The following NBEA variants were observed in gnomAD, a reference collection of about 807,000 sequenced individuals.
The protein encoded by NBEA is neurobeachin.
A neutral mutation model predicts 343.4 loss-of-function variants in NBEA; 44 were observed. The observed-to-expected ratio is 0.13, with a 90% CI of 0.10 to 0.16. The LOEUF is 0.16. NBEA is among the 10% of genes least tolerant of loss of function. The pLI is 1.00. For synonymous variants in NBEA, 1,175 were observed against 1,238.7 expected, an observed-to-expected ratio of 0.95 and a Z score of 1.08; for missense variants, 2,555 against 3,631.3, an observed-to-expected ratio of 0.70 and a Z score of 7.62.
chr13:35,499,956 ACT>A (rs1383889421), intron 41 of NBEA, among the ~76,000 whole-genome samples: 1 of 151,892 alleles, frequency 6.6e-6, no homozygotes, highest in Non-Finnish European at 1.5e-5. Flanking sequence ...AATCATTAAG[ACT>A]CTGAATGCAC....
At chr13:35,652,363 G>T (rs562169235) in intron 53 of NBEA, among the ~76,000 whole-genome samples, 1 of 150,650 alleles carries the variant, frequency 6.6e-6, no homozygotes, top group Non-Finnish European at 1.5e-5. Context: ...AAAAAGGGCC[G>T]GGCATGGTGG....
chr13:35,129,826 A>G (rs2067318506), intron 17 of NBEA, among the ~76,000 whole-genome samples: 1 of 152,138 alleles, frequency 6.6e-6, no homozygotes, highest in South Asian at 2.1e-4. Flanking sequence ...AAACTCCAGA[A>G]CCCAACAAGG....
intron 41 of NBEA, among the ~76,000 whole-genome samples, chr13:35,496,438 C>T (rs1313778590): frequency 6.6e-6 from 1 of 151,520 alleles, no homozygotes; most frequent in Non-Finnish European, 1.5e-5. Context: ...GGTTTGAGAC[C>T]CGCCTGAGCA....
chr13:35,234,460 T>C (rs193275936), intron 34 of NBEA, among the ~76,000 whole-genome samples: 17 of 152,272 alleles, frequency 1.1e-4, no homozygotes, highest in African/African-American at 3.8e-4. Flanking sequence ...ACAGAAGAAA[T>C]ATTCCTCATG....
At chr13:35,064,064 T>G (rs774203372) in intron 8 of NBEA, among the ~76,000 whole-genome samples, 4 of 152,070 alleles carry the variant, frequency 2.6e-5, no homozygotes, top group Non-Finnish European at 4.4e-5. Flanking sequence ...CATAGTTGTT[T>G]GAGATGCCTG....
At position 34,972,051 on chromosome 13, in the gene NBEA, T is replaced by C. The variant is rs370706095; in HGVS notation, c.294+28937T>C. On this transcript the variant is annotated intron_variant, in intron 1 of 58. Coordinates refer to ENST00000379939, the MANE Select transcript of NBEA (RefSeq NM_001385012.1). Reference sequence around the variant, plus strand: ...TGGTCAGTTCAGGGATTCAGTTTCTTCTTGGTTCAGTCTTGGCAGGGTATA... The same window carrying C: ...TGGTCAGTTCAGGGATTCAGTTTCTCCTTGGTTCAGTCTTGGCAGGGTATA... 1.2e-3 allele frequency among the ~76,000 whole-genome samples: 178 copies of C among 152,236 alleles called. 6 individuals are homozygous for C. In the South Asian group the frequency reaches 0.035, roughly 30 times the overall value.
In NBEA at chr13:35,475,347, C is replaced by A. The variant is rs765735057; in HGVS notation, c.6585+2811C>A. On this transcript the variant is annotated intron_variant, in intron 41 of 58. Coordinates refer to ENST00000379939, the MANE Select transcript of NBEA (RefSeq NM_001385012.1). ...GGTAATTGTTCAAGGGCTGGCCCGG[C>A]AGTTCAAGGTGACGATCCCTTAAGG... 7 of 1,613,938 alleles carry A rather than the reference C, an allele frequency of 4.3e-6. No homozygotes were observed. In the African/African-American group the frequency reaches 8.0e-5, roughly 18 times the overall value.
intron 11 of NBEA, among the ~76,000 whole-genome samples, chr13:35,101,577 G>GT (rs944042070): frequency 6.6e-5 from 10 of 150,716 alleles, no homozygotes; most frequent in South Asian, 6.3e-4. Context: ...ATTTGTAGGA[G>GT]TTTTTTTTTA....
At chr13:35,302,438 G>T (rs1229844360) in intron 35 of NBEA, among the ~76,000 whole-genome samples, 1 of 152,098 alleles carries the variant, frequency 6.6e-6, no homozygotes. Flanking sequence ...TTGAAATTAT[G>T]CAAATAGTTG....
At position 35,025,590 on chromosome 13, in the gene NBEA, G is replaced by A. The variant is rs73491549; in HGVS notation, c.295-15343G>A. ...GTAGTACGGTTTGAAGTTGAGTAGT[G>A]TAATGCCTCTGGTTTTCTTCTTTTT... is the stretch of plus-strand genomic sequence containing the variant. On this transcript the variant is annotated intron_variant, in intron 1 of 58. Transcript: ENST00000379939. Among the ~76,000 whole-genome samples the A allele has an allele frequency of 6.4e-3, 968 of 152,148 alleles. 11 individuals carry two copies. The highest frequency in any genetic ancestry group is 0.022 in the African/African-American group (927 of 41,524).
chr13:35,001,279 GA>G (rs2061129141), intron 1 of NBEA, among the ~76,000 whole-genome samples: 4 of 151,960 alleles, frequency 2.6e-5, no homozygotes, highest in African/African-American at 9.7e-5. Flanking sequence ...TCAAATAACT[GA>G]AAATAGAACT....
chr13:34,955,033 C>G (rs2059450817), intron 1 of NBEA, among the ~76,000 whole-genome samples: 1 of 152,086 alleles, frequency 6.6e-6, no homozygotes. Context: ...CTGACTCTTT[C>G]ACTTGCATAG....
chr13:35,206,745 G>A (rs944865553), intron 31 of NBEA, among the ~76,000 whole-genome samples: 2 of 152,068 alleles, frequency 1.3e-5, no homozygotes, highest in South Asian at 2.1e-4. Flanking sequence ...AATTGTATGC[G>A]AAGGAGGTAG....
chr13:35,140,126 C>T (rs74457676), intron 17 of NBEA, among the ~76,000 whole-genome samples: 1 of 152,012 alleles, frequency 6.6e-6, no homozygotes, highest in East Asian at 1.9e-4. Flanking sequence ...AAGTCATTCT[C>T]CCCTTCTTGA....
At chr13:35,483,909 G>C (rs1461319621) in intron 41 of NBEA, among the ~76,000 whole-genome samples, 1 of 151,976 alleles carries the variant, frequency 6.6e-6, no homozygotes, top group East Asian at 1.9e-4. Context: ...GATAGCAAAA[G>C]ATTGAATTGG....
intron 17 of NBEA, among the ~76,000 whole-genome samples, chr13:35,137,183 G>A (rs2067782206): frequency 6.6e-6 from 1 of 152,196 alleles, no homozygotes; most frequent in South Asian, 2.1e-4. Context: ...GGGCACGGTG[G>A]CTCATGCCTG....
chr13:35,107,112 A>T (rs1253268863), intron 11 of NBEA, among the ~76,000 whole-genome samples: 4 of 151,994 alleles, frequency 2.6e-5, no homozygotes, highest in African/African-American at 7.2e-5. Flanking sequence ...ATGTGAAATT[A>T]TAATTAGTGA....
chr13:35,185,592 C>T (rs971066943), intron 30 of NBEA: 7 of 152,120 alleles, frequency 4.6e-5, no homozygotes, highest in Non-Finnish European at 7.3e-5. Context: ...GTTCCAAAGG[C>T]TCTGCTATGG....
At chr13:35,472,965 ATAAAT>A (rs1263854285) in intron 41 of NBEA, among the ~76,000 whole-genome samples, 1 of 152,218 alleles carries the variant, frequency 6.6e-6, no homozygotes, top group South Asian at 2.1e-4. Flanking sequence ...GCATTTAGAT[ATAAAT>A]TAATCTCCAT....
Sources: allele counts gnomAD v4.1 joint callset (sites outside exome capture counted in the v4.1 genomes callset), GRCh38; gene constraint gnomAD v4.1.1; transcripts MANE v1.5; gene names NCBI Gene and HGNC (gene_info 2026-07-23, HGNC 2026-07-21).